Variants in USH2A observed in about 807,000 individuals in gnomAD.
USH2A encodes Usher syndrome 2A (autosomal recessive, mild).
USH2A carries 443 observed loss-of-function variants against 538.9 expected under a neutral mutation model. The observed-to-expected ratio is 0.82, with a 90% CI of 0.76 to 0.89. USH2A has a LOEUF of 0.89. USH2A is among the 40% of genes least tolerant of loss of function. The pLI, the probability that USH2A is intolerant of heterozygous loss-of-function variation, is 0.00. For synonymous variants in USH2A, 2,413 were observed against 2,273.5 expected (o/e 1.06, Z -1.75); for missense variants, 6,633 against 6,324.8 (o/e 1.05, Z -1.65).
At chr1:215,949,146 C>G (rs1162049459) in intron 37 of USH2A, among the ~76,000 whole-genome samples, 2 of 151,918 alleles carry the variant, frequency 1.3e-5, no homozygotes, top group Non-Finnish European at 2.9e-5. Flanking sequence ...GTTTTAAAAA[C>G]ACTGACGTAA....
intron 48 of USH2A, among the ~76,000 whole-genome samples, chr1:215,815,330 C>A (rs1662828080): frequency 6.6e-6 from 1 of 151,918 alleles, no homozygotes. Context: ...TTTGCACACG[C>A]CTGTTTTCTA....
chr1:215,795,849 C>G (rs996015381), intron 50 of USH2A, among the ~76,000 whole-genome samples: 3 of 152,252 alleles, frequency 2.0e-5, no homozygotes, highest in African/African-American at 7.2e-5. Context: ...TATACGCTTA[C>G]GAATTATTGA....
In USH2A at chr1:216,324,341, A is replaced by G. The variant is rs2037685910; in HGVS notation, c.1155T>C (p.Ile385=). The G allele has an allele frequency of 6.2e-7, 1 of 1,611,100 alleles. No homozygotes were observed. Among genetic ancestry groups the G allele is most frequent in the Non-Finnish European group, 8.5e-7 (1 of 1,178,264 alleles). The change falls in exon 7 of 72, where the codon ATT becomes ATC. Residue 385 remains isoleucine, a synonymous_variant. Transcript: ENST00000307340. ...LENGQYQVFY[I]IIQFFSPQPT... is the part of the protein sequence containing the mutation. ...GTTGTGGACTAAAGAACTGAATGAT[A>G]ATATAAAACACCTGAAAATGGAAAG...
At chr1:216,396,481 C>A (rs1010318383) in intron 3 of USH2A, among the ~76,000 whole-genome samples, 2 of 152,118 alleles carry the variant, frequency 1.3e-5, no homozygotes, top group Non-Finnish European at 2.9e-5. Flanking sequence ...AAATTAACAA[C>A]AGCCCATAAT....
intron 58 of USH2A, among the ~76,000 whole-genome samples, chr1:215,748,156 T>G (rs1238987900): frequency 2.6e-5 from 4 of 152,118 alleles, no homozygotes. Context: ...CTCCCAAGTT[T>G]TGTTTTGTTT....
chr1:216,007,545 C>T (rs1009866511), intron 32 of USH2A, among the ~76,000 whole-genome samples: 1 of 152,140 alleles, frequency 6.6e-6, no homozygotes, highest in African/African-American at 2.4e-5. Context: ...GGGCCCTGAC[C>T]CCTGTTTTCA....
chr1:215,769,409 G>A (rs1024965995), intron 55 of USH2A, among the ~76,000 whole-genome samples: 1 of 152,176 alleles, frequency 6.6e-6, no homozygotes, highest in African/African-American at 2.4e-5. Context: ...TATTTGTAAT[G>A]AGAATCGTAG....
At chr1:215,749,863 A>G (rs1041305650) in intron 58 of USH2A, among the ~76,000 whole-genome samples, 1 of 152,186 alleles carries the variant, frequency 6.6e-6, no homozygotes, top group Non-Finnish European at 1.5e-5. Flanking sequence ...ATTCCTTGCA[A>G]TGCTCCTTTT....
Position 215,659,764 on chromosome 1 carries a change from C to T in USH2A, c.14134-8963G>A, listed in dbSNP as rs138270444. ...ATGTAGCCTAGACTGCAACCCTAAT[C>T]GGTCTGTCTTCACAGGGTCAGGAAT... On this transcript the variant is annotated intron_variant, in intron 64 of 71. Coordinates refer to ENST00000307340, the MANE Select transcript of USH2A (RefSeq NM_206933.4). 1.6e-3 allele frequency among the ~76,000 whole-genome samples: 239 copies of T among 152,144 alleles called. 1 individual carries two copies. The highest frequency in any genetic ancestry group is 5.5e-3 in the African/African-American group (227 of 41,516).
chr1:216,338,821 G>A (rs987975574), intron 4 of USH2A, among the ~76,000 whole-genome samples: 5 of 151,514 alleles, frequency 3.3e-5, no homozygotes, highest in Middle Eastern at 3.4e-3. Flanking sequence ...AAATTAAAAC[G>A]AAAATAAGGG....
chr1:215,968,335 T>G (rs1325521), intron 36 of USH2A, among the ~76,000 whole-genome samples: 7,240 of 152,126 alleles, frequency 0.048, 257 homozygotes, highest in African/African-American at 0.099. Context: ...GTGGGTTTTT[T>G]TTGTTGCTGT....
At chr1:216,416,257 A>C (rs1172466897) in intron 3 of USH2A, among the ~76,000 whole-genome samples, 1 of 152,154 alleles carries the variant, frequency 6.6e-6, no homozygotes, top group African/African-American at 2.4e-5. Context: ...CCTTATATAG[A>C]GCTCCATTTT....
rs1180925487 is a variant in USH2A at position 216,073,151 on chromosome 1, C to T, written c.5722G>A (p.Val1908Ile). The change falls in exon 28 of 72, where the codon GTT becomes ATT. Residue 1908 changes from valine to isoleucine, a missense_variant. By Grantham distance (29) the Val-to-Ile change is conservative. Coordinates refer to ENST00000307340, the MANE Select transcript of USH2A (RefSeq NM_206933.4). Reference sequence around the variant, plus strand: ...ACACTCTGCTCTTTTCCCTGGTAAACCAGGATGGAGTCATTTCCCCTGCAG... The same window carrying T: ...ACACTCTGCTCTTTTCCCTGGTAAATCAGGATGGAGTCATTTCCCCTGCAG... ...VNCRGNDSILVYQGKEQSVYE... is the reference protein window; with the variant it reads ...VNCRGNDSILIYQGKEQSVYE... 4 of 1,613,742 alleles carry T rather than the reference C, an allele frequency of 2.5e-6. No homozygotes were observed. The Admixed American group carries it at 5.0e-5, about 20-fold the overall frequency.
chr1:215,824,718 G>A (rs1663106353), intron 47 of USH2A, among the ~76,000 whole-genome samples: 1 of 152,154 alleles, frequency 6.6e-6, no homozygotes, highest in Non-Finnish European at 1.5e-5. Flanking sequence ...TGCTTCCTGT[G>A]GGTTGAGGCA....
chr1:215,814,376 TAAAC>T (rs142402631), intron 48 of USH2A, among the ~76,000 whole-genome samples: 5,572 of 150,502 alleles, frequency 0.037, 355 homozygotes, highest in African/African-American at 0.13. Flanking sequence ...AATAATGCCT[TAAAC>T]AAAGTCTTAT....
chr1:216,396,020 A>G (rs973996359), intron 3 of USH2A, among the ~76,000 whole-genome samples: 12 of 152,190 alleles, frequency 7.9e-5, no homozygotes, highest in Non-Finnish European at 1.3e-4. Flanking sequence ...ATACACTAGT[A>G]GAGATGTCCC....
chr1:216,262,840 A>G (rs1344348598), intron 11 of USH2A, among the ~76,000 whole-genome samples: 2 of 152,076 alleles, frequency 1.3e-5, no homozygotes, highest in Non-Finnish European at 2.9e-5. Flanking sequence ...CAAAAGCTCA[A>G]CAAAACAAAA....
chr1:215,806,332 C>T (rs940311799), intron 49 of USH2A, among the ~76,000 whole-genome samples: 2 of 150,592 alleles, frequency 1.3e-5, no homozygotes, highest in Admixed American at 1.3e-4. Context: ...AATGAGATAC[C>T]AGCATTAAAT....
chr1:215,793,831 A>G (rs1454878195), intron 50 of USH2A, among the ~76,000 whole-genome samples: 1 of 152,202 alleles, frequency 6.6e-6, no homozygotes, highest in Non-Finnish European at 1.5e-5. Flanking sequence ...AAATAAGTCA[A>G]TATATTCCAA....
Sources: allele counts gnomAD v4.1 joint callset (sites outside exome capture counted in the v4.1 genomes callset), GRCh38; gene constraint gnomAD v4.1.1; transcripts MANE v1.5; gene names NCBI Gene and HGNC (gene_info 2026-07-23, HGNC 2026-07-21).